Variants in ARPP21 observed in about 807,000 individuals in gnomAD.
ARPP21 encodes the protein cAMP-regulated phosphoprotein 21.
In ARPP21, 69 loss-of-function variants were observed where a neutral mutation model predicts 113.2. The observed-to-expected ratio is 0.61, with a 90% CI of 0.50 to 0.74. The LOEUF is 0.74. Ranked by LOEUF, ARPP21 falls within the 30% of genes least tolerant of loss-of-function variation. The pLI, the probability that ARPP21 is intolerant of heterozygous loss-of-function variation, is 0.00. For missense variants in ARPP21, 1,070 were observed against 1,037.4 expected (o/e 1.03, Z -0.43); for synonymous variants, 368 against 375.5 (o/e 0.98, Z 0.23).
At chr3:35,765,755 A>G (rs1287597729) in intron 19 of ARPP21, among the ~76,000 whole-genome samples, 1 of 152,188 alleles carries the variant, frequency 6.6e-6, no homozygotes, top group African/African-American at 2.4e-5. Flanking sequence ...ATTACTACAT[A>G]TAAATAATTT....
intron 3 of ARPP21, 44 bp downstream of exon 3, chr3:35,681,924 C>A: frequency 1.3e-6 from 2 of 1,571,260 alleles, no homozygotes; most frequent in East Asian, 2.3e-5. Flanking sequence ...CAACTGTGTG[C>A]AGCTCCCTTC....
At chr3:35,642,590 C>T (rs2148846061) in intron 1 of ARPP21, among the ~76,000 whole-genome samples, 1 of 152,252 alleles carries the variant, frequency 6.6e-6, no homozygotes, top group African/African-American at 2.4e-5. Context: ...GAGGGACATA[C>T]TAACCAGGGA....
intron 1 of ARPP21, among the ~76,000 whole-genome samples, chr3:35,665,496 A>G (rs949791819): frequency 2.6e-5 from 4 of 152,200 alleles, no homozygotes; most frequent in Non-Finnish European, 5.9e-5. Context: ...ACACACATAC[A>G]TCCATGTATC....
intron 1 of ARPP21, among the ~76,000 whole-genome samples, chr3:35,649,268 G>A (rs1438773767): frequency 1.3e-5 from 2 of 152,120 alleles, no homozygotes; most frequent in Non-Finnish European, 2.9e-5. Flanking sequence ...ACAAAAACCT[G>A]CCCTTATATG....
At chr3:35,689,008 G>A (rs536154040) in intron 6 of ARPP21, among the ~76,000 whole-genome samples, 18 of 151,390 alleles carry the variant, frequency 1.2e-4, no homozygotes, top group African/African-American at 4.1e-4. Context: ...TTACAATGCA[G>A]AATGAACACG....
intron 19 of ARPP21, among the ~76,000 whole-genome samples, chr3:35,767,250 T>A (rs974027584): frequency 6.6e-6 from 1 of 152,188 alleles, no homozygotes; most frequent in Non-Finnish European, 1.5e-5. Flanking sequence ...TATTTCACGA[T>A]GACCAAACCA....
intron 1 of ARPP21, chr3:35,641,098 G>T (rs561879316): frequency 6.6e-6 from 1 of 152,304 alleles, no homozygotes; most frequent in East Asian, 1.9e-4. Flanking sequence ...GGAGAGAATT[G>T]AAAGTTATAG....
intron 15 of ARPP21, among the ~76,000 whole-genome samples, chr3:35,736,798 T>A (rs999083904): frequency 6.6e-6 from 1 of 152,188 alleles, no homozygotes; most frequent in Non-Finnish European, 1.5e-5. Context: ...AAAGCAGCCG[T>A]TATCCTTCAG....
chr3:35,715,278 T>A, intron 11 of ARPP21, 161 bp from the exon 12 acceptor site: 1 of 617,374 alleles, frequency 1.6e-6, no homozygotes, highest in Non-Finnish European at 2.9e-6. Flanking sequence ...ACTTTTCTAA[T>A]CCTAACCAAC....
chr3:35,793,731 C>T lies in ARPP21; in HGVS notation c.2317C>T (p.Pro773Ser). The part of the protein sequence containing the change: ...VPMTQGSQGL[P>S]QQSYQQPIML... ...AATGACCCAGGGTTCTCAAGGACTGCCCCAGCAGTCATACCAACAGCCAAT... is the reference window on the plus strand; with the variant it reads ...AATGACCCAGGGTTCTCAAGGACTGTCCCAGCAGTCATACCAACAGCCAAT... The change falls in exon 21 of 21, where the codon CCC becomes TCC. Residue 773 changes from proline to serine, a missense_variant. Pro to Ser is a moderately conservative substitution (Grantham distance 74, BLOSUM62 -1). Transcript: ENST00000684406. 1 of 1,613,514 alleles carries T rather than the reference C, an allele frequency of 6.2e-7. No individual in the cohort carries two copies. Among genetic ancestry groups the T allele is most frequent in the Non-Finnish European group, 8.5e-7 (1 of 1,179,462 alleles).
At chr3:35,744,439 A>G (rs2094888123) in intron 19 of ARPP21, 3 of 520,694 alleles carry the variant, frequency 5.8e-6, no homozygotes, top group Non-Finnish European at 1.2e-5. Context: ...CACTTTCATG[A>G]TGGCCACATG....
chr3:35,762,674 A>G (rs1047984911), intron 19 of ARPP21, among the ~76,000 whole-genome samples: 3 of 152,124 alleles, frequency 2.0e-5, no homozygotes, highest in Admixed American at 6.6e-5. Flanking sequence ...CAAATGACAC[A>G]CTTCCCTAAA....
intron 19 of ARPP21, among the ~76,000 whole-genome samples, chr3:35,772,489 C>T (rs538394791): frequency 6.6e-4 from 100 of 152,272 alleles, no homozygotes; most frequent in Middle Eastern, 3.4e-3. Context: ...AGCTGATATT[C>T]AGTTTGCTGA....
intron 19 of ARPP21, among the ~76,000 whole-genome samples, chr3:35,759,217 A>C (rs920670401): frequency 4.6e-5 from 7 of 152,078 alleles, no homozygotes; most frequent in Non-Finnish European, 8.8e-5. Flanking sequence ...AAATCCAGGG[A>C]CATCATTCAG....
intron 1 of ARPP21, among the ~76,000 whole-genome samples, chr3:35,655,935 A>G (rs1039395766): frequency 2.0e-5 from 3 of 152,054 alleles, no homozygotes; most frequent in African/African-American, 4.8e-5. Flanking sequence ...TTGCCAGTAC[A>G]TGAACCAGAA....
chr3:35,695,405 C>CA (rs2149726718), intron 9 of ARPP21, among the ~76,000 whole-genome samples: 1 of 151,540 alleles, frequency 6.6e-6, no homozygotes, highest in East Asian at 2.0e-4. Flanking sequence ...GGTGGTCACA[C>CA]AAAAAATTAC....
At chr3:35,763,116 T>C (rs1373201665) in intron 19 of ARPP21, among the ~76,000 whole-genome samples, 1 of 152,150 alleles carries the variant, frequency 6.6e-6, no homozygotes, top group Admixed American at 6.6e-5. Context: ...CTAATAATAA[T>C]AGCTCTGTGT....
At chr3:35,664,866 T>C (rs1709503683) in intron 1 of ARPP21, among the ~76,000 whole-genome samples, 1 of 152,152 alleles carries the variant, frequency 6.6e-6, no homozygotes, top group South Asian at 2.1e-4. Flanking sequence ...CAGGCTGCTA[T>C]GTGGCCTGAT....
At chr3:35,684,828 C>A (rs2080075115) in intron 5 of ARPP21, 1 of 979,792 alleles carries the variant, frequency 1.0e-6, no homozygotes, top group African/African-American at 1.8e-5. Flanking sequence ...ATTTTCTTTA[C>A]ATGCCACTCA....
Sources: allele counts gnomAD v4.1 joint callset (sites outside exome capture counted in the v4.1 genomes callset), GRCh38; gene constraint gnomAD v4.1.1; transcripts MANE v1.5; gene names NCBI Gene and HGNC (gene_info 2026-07-23, HGNC 2026-07-21).